The following VAC14 variants were observed in gnomAD, a reference collection of about 807,000 sequenced individuals.
VAC14 encodes the protein protein VAC14 homolog.
VAC14 carries 47 observed loss-of-function variants against 85.3 expected under a neutral mutation model. The ratio of observed to expected loss-of-function variants is 0.55; its 90% CI spans 0.44 to 0.70. The LOEUF is 0.70. Ranked by LOEUF, VAC14 falls within the 30% of genes least tolerant of loss-of-function variation. VAC14 has a pLI of 0.00. For synonymous variants in VAC14, 447 were observed against 430.5 expected, an observed-to-expected ratio of 1.04 and a Z score of -0.47; for missense variants, 861 against 1,004.3, an observed-to-expected ratio of 0.86 and a Z score of 1.93.
chr16:70,708,395 G>T (rs1355801313), intron 14 of VAC14, among the ~76,000 whole-genome samples: 1 of 152,250 alleles, frequency 6.6e-6, no homozygotes, highest in Non-Finnish European at 1.5e-5. Flanking sequence ...GGGTTACTTT[G>T]GCCGTGGGGC....
chr16:70,792,112 C>G (rs2034367038), intron 1 of VAC14, among the ~76,000 whole-genome samples: 1 of 152,178 alleles, frequency 6.6e-6, no homozygotes, highest in Admixed American at 6.5e-5. Context: ...CCTCTAACCC[C>G]TCGCTAGGTG....
intron 9 of VAC14, among the ~76,000 whole-genome samples, chr16:70,773,611 A>T (rs2033358259): frequency 6.6e-6 from 1 of 152,146 alleles, no homozygotes; most frequent in Non-Finnish European, 1.5e-5. Context: ...GTGCTATAGG[A>T]AAAAATTCCA....
intron 16 of VAC14, 39 bp from the exon 17 acceptor site, chr16:70,695,662 G>T (rs915182112): frequency 6.3e-7 from 1 of 1,596,682 alleles, no homozygotes; most frequent in Non-Finnish European, 8.6e-7. Context: ...TGCTGGGCCA[G>T]CACAGCCGCA....
At chr16:70,778,803 T>A (rs2143221905) in intron 9 of VAC14, 2 of 152,374 alleles carry the variant, frequency 1.3e-5, no homozygotes, top group Middle Eastern at 6.8e-3. Context: ...TTGGGGATAG[T>A]CTTGTTTCTT....
Position 70,731,489 on chromosome 16 carries a change from GCTGAC to G in VAC14, c.1661+1_1661+5del, listed in dbSNP as rs753392673. The G allele has an allele frequency of 6.2e-7, 1 of 1,613,608 alleles. No homozygotes were observed. The highest frequency in any genetic ancestry group is 8.5e-7 in the Non-Finnish European group (1 of 1,179,684). ...GAAGAGGAGAAAGCGCGCCGCCAAG[GCTGAC>G]CTGATGATGAAAGGGCCTCTGACCT... On this transcript the variant is annotated splice_donor_variant and splice_donor_5th_base_variant and intron_variant, in intron 14 of 18. Coordinates refer to ENST00000261776, the MANE Select transcript of VAC14 (RefSeq NM_018052.5). LOFTEE classifies it high-confidence loss of function.
chr16:70,709,057 C>T (rs140525897), intron 14 of VAC14, among the ~76,000 whole-genome samples: 70 of 152,336 alleles, frequency 4.6e-4, no homozygotes, highest in South Asian at 1.7e-3. Flanking sequence ...ACAGGGATTT[C>T]CTCCAAGCTG....
chr16:70,760,962 G>GGGGT (rs1402592187), intron 12 of VAC14, among the ~76,000 whole-genome samples: 925 of 47,626 alleles, frequency 0.019, 46 homozygotes, highest in African/African-American at 0.042. Flanking sequence ...ACGAAGAGAG[G>GGGGT]GTGTGTGTGT....
chr16:70,730,327 C>T (rs1308363688), intron 14 of VAC14, among the ~76,000 whole-genome samples: 1 of 152,038 alleles, frequency 6.6e-6, no homozygotes, highest in East Asian at 1.9e-4. Flanking sequence ...CCTGTCAGTG[C>T]CTCCGTGCTG....
intron 12 of VAC14, among the ~76,000 whole-genome samples, chr16:70,754,486 C>A (rs141911400): frequency 2.6e-5 from 4 of 152,164 alleles, no homozygotes; most frequent in Non-Finnish European, 4.4e-5. Flanking sequence ...TGCTGGCTGG[C>A]GGTGGCCCTT....
At chr16:70,792,541 G>A (rs1394938510) in intron 1 of VAC14, among the ~76,000 whole-genome samples, 1 of 152,234 alleles carries the variant, frequency 6.6e-6, no homozygotes, top group Non-Finnish European at 1.5e-5. Context: ...TTCTCAGCTG[G>A]CCAGTGGCAT....
intron 12 of VAC14, among the ~76,000 whole-genome samples, chr16:70,757,748 T>A (rs1186251474): frequency 6.6e-6 from 1 of 152,182 alleles, no homozygotes; most frequent in Non-Finnish European, 1.5e-5. Context: ...AGAAATGACC[T>A]CCTGCATCGG....
intron 14 of VAC14, among the ~76,000 whole-genome samples, chr16:70,720,044 C>A (rs1322185704): frequency 2.6e-5 from 4 of 152,192 alleles, no homozygotes; most frequent in African/African-American, 7.2e-5. Flanking sequence ...ACAGACGAAT[C>A]TCACAAACCC....
rs570787812 is a variant in VAC14 at position 70,764,235 on chromosome 16, C to A, written c.1161-1210G>T. ...TGCTATTTAATATGGTTTGATGATCCCCATGGTGCACATTTCAGGGGCAAG... is the reference window on the plus strand; with the variant it reads ...TGCTATTTAATATGGTTTGATGATCACCATGGTGCACATTTCAGGGGCAAG... On this transcript the variant is annotated intron_variant, in intron 10 of 18. Transcript: ENST00000261776. Among the ~76,000 whole-genome samples, 7 of 152,178 alleles carry A rather than the reference C, an allele frequency of 4.6e-5. No individual in the cohort carries two copies. The East Asian group carries it at 1.4e-3, about 29-fold the overall frequency.
At chr16:70,796,204 G>A (rs539773082) in intron 1 of VAC14, among the ~76,000 whole-genome samples, 3 of 152,312 alleles carry the variant, frequency 2.0e-5, no homozygotes, top group Non-Finnish European at 4.4e-5. Context: ...CACTTAGACA[G>A]TTAGTGTGGT....
chr16:70,780,149 G>A (rs927093687), intron 9 of VAC14, among the ~76,000 whole-genome samples: 2 of 151,526 alleles, frequency 1.3e-5, no homozygotes, highest in South Asian at 2.1e-4. Context: ...GGCCATAAAT[G>A]TGGTTTCTTA....
chr16:70,738,778 G>C (rs1163414027), intron 13 of VAC14, among the ~76,000 whole-genome samples: 1 of 152,210 alleles, frequency 6.6e-6, no homozygotes, highest in Non-Finnish European at 1.5e-5. Flanking sequence ...CTGGTGCCAG[G>C]GATTCCGGGG....
intron 12 of VAC14, chr16:70,755,040 G>A (rs993354345): frequency 5.7e-6 from 1 of 174,272 alleles, no homozygotes; most frequent in African/African-American, 2.4e-5. Context: ...AAACCGAGGT[G>A]AGGCGGTGTC....
Position 70,766,657 on chromosome 16 carries a change from G to A in VAC14, c.1161-3632C>T, listed in dbSNP as rs114435821. On this transcript the variant is annotated intron_variant, in intron 10 of 18. Coordinates refer to ENST00000261776, the MANE Select transcript of VAC14 (RefSeq NM_018052.5). The stretch of plus-strand genomic sequence containing the variant: ...GCCATGTACCAAGCAGTCATTCCCT[G>A]GGCTGGAGACACTCTCCCTGGGCTT... The A allele has an allele frequency of 5.4e-3, 1,960 of 364,298 alleles. 35 individuals carry two copies. The highest frequency in any genetic ancestry group is 0.039 in the African/African-American group (1,817 of 47,102). 22.6% of individuals were successfully genotyped at this position (364,298 alleles called of 1,614,324 possible).
intron 1 of VAC14, among the ~76,000 whole-genome samples, chr16:70,798,182 C>T (rs1431516167): frequency 6.6e-6 from 1 of 152,158 alleles, no homozygotes; most frequent in African/African-American, 2.4e-5. Context: ...AGTTCCAGAG[C>T]CTGCTCTTAA....
Sources: gnomAD v4.1 joint callset for allele counts (sites outside exome capture counted in the v4.1 genomes callset) on GRCh38, gnomAD v4.1.1 for gene constraint, MANE v1.5 for transcripts, NCBI Gene and HGNC (gene_info 2026-07-23, HGNC 2026-07-21) for gene names.